OPCML: variants seen among roughly 807,000 people sequenced by gnomAD.
OPCML encodes opioid binding protein/cell adhesion molecule like.
OPCML carries 13 observed loss-of-function variants against 37.8 expected under a neutral mutation model. That is an observed-to-expected ratio of 0.34 (90% CI 0.22 to 0.55). The LOEUF (loss-of-function observed/expected upper bound fraction) is 0.55, where lower values mean the gene tolerates loss of function less well. OPCML is among the 20% of genes least tolerant of loss of function. The pLI is 0.91. For synonymous variants in OPCML, 176 were observed against 168.8 expected, an observed-to-expected ratio of 1.04 and a Z score of -0.33; for missense variants, 341 against 435.6, an observed-to-expected ratio of 0.78 and a Z score of 1.93.
At chr11:133,346,204 A>C (rs1278784191) in intron 1 of OPCML, among the ~76,000 whole-genome samples, 1 of 152,196 alleles carries the variant, frequency 6.6e-6, no homozygotes, top group African/African-American at 2.4e-5. Flanking sequence ...TTTAGTTGTC[A>C]ACGTTACCAT....
rs1950360699 is a variant in OPCML at position 133,175,643 on chromosome 11, C to T, written c.62-232633G>A. 6.8e-5 allele frequency among the ~76,000 whole-genome samples: 10 copies of T among 146,578 alleles called. No individual in the cohort carries two copies. In the South Asian group the frequency reaches 2.2e-3, roughly 32 times the overall value. ...GGACAAAGAGCCTTAAAAGAAAATT[C>T]TGTAATTCACTGACTTTTTTTTTTT... is the stretch of plus-strand genomic sequence containing the variant. On this transcript the variant is annotated intron_variant, in intron 1 of 7. Coordinates refer to ENST00000524381, the MANE Select transcript of OPCML (RefSeq NM_001012393.5).
At chr11:132,841,939 C>T (rs934805178) in intron 2 of OPCML, among the ~76,000 whole-genome samples, 6 of 143,534 alleles carry the variant, frequency 4.2e-5, no homozygotes, top group African/African-American at 1.5e-4. Flanking sequence ...AAGATATGGT[C>T]TTAGTTAGAC....
chr11:132,542,261 T>A (rs1483130471), intron 3 of OPCML, among the ~76,000 whole-genome samples: 2 of 152,270 alleles, frequency 1.3e-5, no homozygotes, highest in Admixed American at 1.3e-4. Context: ...GCCAGATGCA[T>A]CCACACCTAG....
chr11:132,724,366 C>T (rs1162976263), intron 2 of OPCML, among the ~76,000 whole-genome samples: 2 of 152,140 alleles, frequency 1.3e-5, no homozygotes, highest in African/African-American at 2.4e-5. Context: ...TTTTGCACTG[C>T]TGTTAAAGAA....
chr11:133,008,488 G>T (rs1352198571), intron 1 of OPCML: 40 of 908,128 alleles, frequency 4.4e-5, no homozygotes, highest in East Asian at 1.2e-4. Flanking sequence ...TGGGAGAGAA[G>T]AACGTATTTC....
intron 1 of OPCML, among the ~76,000 whole-genome samples, chr11:132,974,535 C>A (rs1030688064): frequency 2.0e-5 from 3 of 152,160 alleles, no homozygotes; most frequent in East Asian, 1.9e-4. Flanking sequence ...AAAATAGGAA[C>A]GCTTTTACAC....
In OPCML at chr11:133,096,975, A is replaced by C. The variant is rs1190270798; in HGVS notation, c.62-153965T>G. 2.0e-5 allele frequency among the ~76,000 whole-genome samples: 3 copies of C among 152,150 alleles called. No homozygotes were observed. In the East Asian group the frequency reaches 5.8e-4, roughly 29 times the overall value. On this transcript the variant is annotated intron_variant, in intron 1 of 7. Transcript: ENST00000524381. The stretch of plus-strand genomic sequence containing the variant: ...GGATTTTAATGATTGTCCCTCTTTC[A>C]GAAGTGGACAGATCCAGCAGGCAGA...
At chr11:133,144,956 C>T (rs1214176824) in intron 1 of OPCML, among the ~76,000 whole-genome samples, 1 of 152,218 alleles carries the variant, frequency 6.6e-6, no homozygotes. Flanking sequence ...AAGCAGAAAG[C>T]AGCTACTTTG....
intron 1 of OPCML, among the ~76,000 whole-genome samples, chr11:133,512,845 T>C (rs11223490): frequency 0.17 from 25,636 of 152,148 alleles, 5,303 homozygotes; most frequent in African/African-American, 0.49. Context: ...TCTCCTAGGA[T>C]CCCTATCTAC....
intron 1 of OPCML, among the ~76,000 whole-genome samples, chr11:133,471,740 G>A (rs1046686283): frequency 6.6e-6 from 1 of 152,190 alleles, no homozygotes; most frequent in Non-Finnish European, 1.5e-5. Flanking sequence ...TTTCCATGAT[G>A]CTCATGACAG....
At chr11:132,815,024 C>A (rs924656383) in intron 2 of OPCML, among the ~76,000 whole-genome samples, 1 of 152,116 alleles carries the variant, frequency 6.6e-6, no homozygotes, top group African/African-American at 2.4e-5. Context: ...CCATCTTTCC[C>A]CAAAGAGCTT....
At chr11:132,994,470 C>G (rs1946845328) in intron 1 of OPCML, among the ~76,000 whole-genome samples, 1 of 152,076 alleles carries the variant, frequency 6.6e-6, no homozygotes. Context: ...CTCGTGGGTA[C>G]CAGGGCTGCC....
At chr11:133,000,319 G>T (rs888097271) in intron 1 of OPCML, among the ~76,000 whole-genome samples, 1 of 152,084 alleles carries the variant, frequency 6.6e-6, no homozygotes, top group African/African-American at 2.4e-5. Flanking sequence ...TTCCATGTTG[G>T]CCAGGCTGAT....
rs567388415 is a variant in OPCML, at chr11:133,399,851, C to CATAT, written c.61+132409_61+132412dup. Reference sequence around the variant, plus strand: ...TCCTAAATTTAACAGATTAAGGAAGCATATATATATATATTATATATATAT... The same window carrying CATAT: ...TCCTAAATTTAACAGATTAAGGAAGCATATATATATATATATATTATATATATAT... On this transcript the variant is annotated intron_variant, in intron 1 of 7. Coordinates refer to ENST00000524381, the MANE Select transcript of OPCML (RefSeq NM_001012393.5). 4.7e-5 allele frequency among the ~76,000 whole-genome samples: 7 copies of CATAT among 147,638 alleles called. No individual in the cohort carries two copies. The East Asian group carries it at 7.9e-4, about 17-fold the overall frequency.
intron 1 of OPCML, among the ~76,000 whole-genome samples, chr11:133,475,363 TC>T (rs1947218535): frequency 6.6e-6 from 1 of 152,098 alleles, no homozygotes; most frequent in Non-Finnish European, 1.5e-5. Flanking sequence ...ATCACTCATT[TC>T]TCCTCCTCTC....
chr11:133,277,011 G>A (rs528831714), intron 1 of OPCML, among the ~76,000 whole-genome samples: 1 of 152,114 alleles, frequency 6.6e-6, no homozygotes, highest in East Asian at 1.9e-4. Context: ...CAAATGTATC[G>A]ACTCTTTTAC....
At chr11:132,550,092 T>C (rs1189740950) in intron 3 of OPCML, among the ~76,000 whole-genome samples, 1 of 152,202 alleles carries the variant, frequency 6.6e-6, no homozygotes, top group Non-Finnish European at 1.5e-5. Flanking sequence ...CCTTGGGGTT[T>C]GGATAGGGAA....
rs556036930 is a variant in OPCML at position 132,586,818 on chromosome 11, A to T, written c.380-57632T>A. 2.0e-5 allele frequency among the ~76,000 whole-genome samples: 3 copies of T among 152,288 alleles called. No homozygotes were observed. The South Asian group carries it at 6.2e-4, about 32-fold the overall frequency. ...ACTCAGAGGTGTATGATATCATGAA[A>T]TTTTTAGGGATTCAGTAGTCTACAA... On this transcript the variant is annotated intron_variant, in intron 3 of 7. Coordinates refer to ENST00000524381, the MANE Select transcript of OPCML (RefSeq NM_001012393.5).
chr11:132,471,706 T>C (rs1010574392), intron 4 of OPCML, among the ~76,000 whole-genome samples: 3 of 151,934 alleles, frequency 2.0e-5, no homozygotes, highest in East Asian at 1.9e-4. Flanking sequence ...ATTCCAGGAG[T>C]TGAGAATCAT....
Sources: allele counts gnomAD v4.1 joint callset (sites outside exome capture counted in the v4.1 genomes callset), GRCh38; gene constraint gnomAD v4.1.1; transcripts MANE v1.5; gene names NCBI Gene and HGNC (gene_info 2026-07-23, HGNC 2026-07-21).